Variants in SH3BGRL2 observed in about 807,000 individuals in gnomAD.
SH3BGRL2 encodes the protein SH3 domain-binding glutamic acid-rich-like protein 2.
Under a neutral mutation model 14.8 loss-of-function variants are expected in SH3BGRL2, and 21 were observed. That is an observed-to-expected ratio of 1.42 (90% confidence interval 1.01 to 2.05). The LOEUF (loss-of-function observed/expected upper bound fraction) is 2.05. Ranked by LOEUF, SH3BGRL2 falls within the 30% of genes most tolerant of loss-of-function variation. The pLI, the probability that SH3BGRL2 is intolerant of heterozygous loss-of-function variation, is 0.00. For synonymous variants in SH3BGRL2, 50 were observed against 47.8 expected (o/e 1.05, Z -0.19); for missense variants, 147 against 130.8 (o/e 1.12, Z -0.61).
At chr6:79,661,230 C>T (rs977950613) in intron 1 of SH3BGRL2, among the ~76,000 whole-genome samples, 13 of 152,052 alleles carry the variant, frequency 8.5e-5, no homozygotes, top group African/African-American at 2.2e-4. Context: ...GTTAGGGTGT[C>T]GATTTTAGAT....
chr6:79,618,372 A>T, the SH3BGRL2 span, among the ~76,000 whole-genome samples: 1 of 152,120 alleles, frequency 6.6e-6, no homozygotes, highest in African/African-American at 2.4e-5. Flanking sequence ...TGTCCTTTTG[A>T]GATATCCCCA....
the SH3BGRL2 span, chr6:79,575,323 C>G: frequency 6.6e-6 from 1 of 152,106 alleles, no homozygotes; most frequent in African/African-American, 2.4e-5. Flanking sequence ...GTTTGTCTGA[C>G]TGATTTATCA....
intron 1 of SH3BGRL2, among the ~76,000 whole-genome samples, chr6:79,640,003 G>A (rs1768999870): frequency 6.6e-6 from 1 of 152,208 alleles, no homozygotes; most frequent in African/African-American, 2.4e-5. Flanking sequence ...GTTATATACA[G>A]TTGTCTTTTG....
chr6:79,581,165 A>G, the SH3BGRL2 span, among the ~76,000 whole-genome samples: 1 of 152,204 alleles, frequency 6.6e-6, no homozygotes, highest in Admixed American at 6.5e-5. Context: ...CCAACCAAAA[A>G]AAGTCCAGGA....
chr6:79,617,731 T>A, the SH3BGRL2 span, among the ~76,000 whole-genome samples: 1 of 152,234 alleles, frequency 6.6e-6, no homozygotes, highest in Non-Finnish European at 1.5e-5. Context: ...CAATTTTTCC[T>A]GTAAACTGGA....
chr6:79,645,238 T>G (rs1345464005), intron 1 of SH3BGRL2, among the ~76,000 whole-genome samples: 1 of 151,964 alleles, frequency 6.6e-6, no homozygotes, highest in Non-Finnish European at 1.5e-5. Flanking sequence ...TTAAGGTTAG[T>G]GTAGGCTGGA....
the SH3BGRL2 span, among the ~76,000 whole-genome samples, chr6:79,598,118 G>A: frequency 6.6e-6 from 1 of 152,204 alleles, no homozygotes; most frequent in Non-Finnish European, 1.5e-5. Flanking sequence ...TATGGAGAAA[G>A]TGAAGCCCTC....
the SH3BGRL2 span, among the ~76,000 whole-genome samples, chr6:79,540,592 T>G: frequency 0.09 from 13,692 of 152,168 alleles, 1,416 homozygotes; most frequent in East Asian, 0.54. Context: ...TTGCTCTGTT[T>G]AAAGGATACA....
intron 1 of SH3BGRL2, among the ~76,000 whole-genome samples, chr6:79,666,415 A>T (rs1226458909): frequency 6.6e-6 from 1 of 152,256 alleles, no homozygotes; most frequent in Admixed American, 6.5e-5. Context: ...AGGGCAGATC[A>T]TGAATGGCTT....
At chr6:79,640,236 C>T (rs939116768) in intron 1 of SH3BGRL2, among the ~76,000 whole-genome samples, 3 of 152,162 alleles carry the variant, frequency 2.0e-5, no homozygotes, top group Admixed American at 6.5e-5. Flanking sequence ...GTCTCCCTCT[C>T]TTAATAGGCT....
the SH3BGRL2 span, among the ~76,000 whole-genome samples, chr6:79,614,796 A>G: frequency 6.6e-6 from 1 of 152,148 alleles, no homozygotes; most frequent in Non-Finnish European, 1.5e-5. Context: ...CAGTGGCCAC[A>G]GGAGAGGAAA....
At chr6:79,630,521 G>C (rs922206561), upstream of SH3BGRL2, among the ~76,000 whole-genome samples, 1 of 152,080 alleles carries the variant, frequency 6.6e-6, no homozygotes, top group East Asian at 1.9e-4. Flanking sequence ...CATCCTCCTG[G>C]GAAACTGCGC....
At chr6:79,659,093 G>T (rs534290201) in intron 1 of SH3BGRL2, among the ~76,000 whole-genome samples, 1 of 152,140 alleles carries the variant, frequency 6.6e-6, no homozygotes, top group African/African-American at 2.4e-5. Flanking sequence ...TAAGTTTCCT[G>T]TTCACTCTGC....
the SH3BGRL2 span, among the ~76,000 whole-genome samples, chr6:79,573,439 T>C: frequency 6.6e-6 from 1 of 152,174 alleles, no homozygotes; most frequent in Non-Finnish European, 1.5e-5. Context: ...TCCCACTTTG[T>C]AGTTTTTCTT....
chr6:79,685,944 A>G (rs975298878), intron 2 of SH3BGRL2, among the ~76,000 whole-genome samples: 2 of 152,208 alleles, frequency 1.3e-5, no homozygotes, highest in African/African-American at 2.4e-5. Flanking sequence ...CCTGAAAATA[A>G]CTTTGTTAAC....
At chr6:79,577,892 C>T in the SH3BGRL2 span, among the ~76,000 whole-genome samples, 1 of 152,196 alleles carries the variant, frequency 6.6e-6, no homozygotes, top group South Asian at 2.1e-4. Flanking sequence ...GACAGACTAC[C>T]TGGGAAAATG....
chr6:79,699,211 C>A (rs1170915182), intron 3 of SH3BGRL2, among the ~76,000 whole-genome samples: 1 of 152,136 alleles, frequency 6.6e-6, no homozygotes, highest in East Asian at 1.9e-4. Flanking sequence ...CCCACCCAGC[C>A]ATACACAAGT....
chr6:79,541,570 G>GA, the SH3BGRL2 span, among the ~76,000 whole-genome samples: 4 of 152,132 alleles, frequency 2.6e-5, no homozygotes, highest in Non-Finnish European at 5.9e-5. Context: ...AACCCCAGTG[G>GA]AAAAAGAATA....
intron 1 of SH3BGRL2, among the ~76,000 whole-genome samples, chr6:79,645,941 G>A (rs1170346479): frequency 1.3e-5 from 2 of 152,152 alleles, no homozygotes; most frequent in Non-Finnish European, 2.9e-5. Flanking sequence ...ATTAACTCTA[G>A]GGTAGAACTG....
Sources: gnomAD v4.1 joint callset for allele counts (sites outside exome capture counted in the v4.1 genomes callset) on GRCh38, gnomAD v4.1.1 for gene constraint, MANE v1.5 for transcripts, NCBI Gene and HGNC (gene_info 2026-07-23, HGNC 2026-07-21) for gene names.